The following MIGA2 variants were observed in gnomAD, a reference collection of about 807,000 sequenced individuals.
The protein encoded by MIGA2 is mitoguardin 2.
A neutral mutation model predicts 69.9 loss-of-function variants in MIGA2; 36 were observed. The observed-to-expected ratio is 0.52, with a 90% CI of 0.39 to 0.68. The LOEUF is 0.68. Among genes scored for constraint, MIGA2 ranks in the 30% least tolerant of loss-of-function variants. The probability of loss-of-function intolerance (pLI) is 0.00; values close to 1 mark genes in which losing one functional copy is unlikely to be tolerated. For synonymous variants in MIGA2, 333 were observed against 349.2 expected (o/e 0.95, Z 0.52); for missense variants, 660 against 787.7 (o/e 0.84, Z 1.94).
intron 6 of MIGA2, among the ~76,000 whole-genome samples, chr9:129,054,484 G>A (rs538946440): frequency 3.0e-4 from 46 of 152,192 alleles, no homozygotes; most frequent in African/African-American, 1.1e-3. Flanking sequence ...CAACAACAAA[G>A]AAACCCCATG....
At chr9:129,058,974 C>G (rs1845928795) in intron 6 of MIGA2, among the ~76,000 whole-genome samples, 180 bp from the exon 7 acceptor site, 1 of 152,242 alleles carries the variant, frequency 6.6e-6, no homozygotes, top group African/African-American at 2.4e-5. Context: ...GTTTCCAGTG[C>G]TCAGCTGCCA....
rs150751770 is a variant in MIGA2 at position 129,049,414 on chromosome 9, G to T, written c.454G>T (p.Ala152Ser). 5.1e-3 allele frequency: 8,262 copies of T among 1,613,294 alleles called. 26 individuals are homozygous for T. The highest frequency in any genetic ancestry group is 6.4e-3 in the Non-Finnish European group (7,599 of 1,179,642). The change falls in exon 5 of 16, where the codon GCG (alanine) becomes TCG (serine). Residue 152 changes from alanine (A) to serine (S), a missense_variant. This residue lies in a region of MIGA2 where 386 missense variants were observed against 402.0 expected (regional missense o/e 0.96). Coordinates refer to ENST00000684074, the MANE Select transcript of MIGA2 (RefSeq NM_001329990.2). ...AGTGAACTCATCCAGCCCCACAGCCGCGTGCTCGGGACTATGGGATGCCAG... is the reference window on the plus strand; with the variant it reads ...AGTGAACTCATCCAGCCCCACAGCCTCGTGCTCGGGACTATGGGATGCCAG... Reference protein sequence around the residue: ...MAVNSSSPTAACSGLWDARGM... With the variant: ...MAVNSSSPTASCSGLWDARGM...
In MIGA2 at chr9:129,061,294, G is replaced by A. The variant is rs1846056417; in HGVS notation, c.958G>A (p.Glu320Lys). 1.2e-6 allele frequency: 2 copies of A among 1,612,974 alleles called. No individual in the cohort carries two copies. The highest frequency in any genetic ancestry group is 1.7e-6 in the Non-Finnish European group (2 of 1,179,900). The change falls in exon 9 of 16, where the codon GAG becomes AAG. Residue 320 changes from glutamate to lysine, a missense_variant. Physicochemically the swap from Glu to Lys is moderately conservative, Grantham distance 56. Coordinates refer to ENST00000684074, the MANE Select transcript of MIGA2 (RefSeq NM_001329990.2). The surrounding 1 kb of genome is among the most constrained non-coding windows in gnomAD (Gnocchi z 5.0). Reference protein sequence around the residue: ...IPLSRPAAAYEEALQLVKEGR... With the variant: ...IPLSRPAAAYKEALQLVKEGR... ...ACTCTCCAGACCCGCCGCTGCCTAT[G>A]AGGAGGCCCTGCAGCTGGTGAAGGA... is the stretch of plus-strand genomic sequence containing the variant.
chr9:129,063,161 C>T, intron 9 of MIGA2, 83 bp from the exon 10 acceptor site: 1 of 1,438,956 alleles, frequency 6.9e-7, no homozygotes, highest in Non-Finnish European at 9.7e-7. Context: ...AGCCTCCCCC[C>T]TCCCCACCCA....
chr9:129,064,020 G>A (rs1846207000), intron 11 of MIGA2, among the ~76,000 whole-genome samples: 1 of 152,156 alleles, frequency 6.6e-6, no homozygotes, highest in African/African-American at 2.4e-5. Flanking sequence ...CTGCTCTCTT[G>A]TGAGGTTTTC....
intron 3 of MIGA2, among the ~76,000 whole-genome samples, chr9:129,045,164 A>AC (rs891537569): frequency 3.3e-5 from 5 of 150,894 alleles, no homozygotes; most frequent in African/African-American, 4.9e-5. Context: ...AAAAAAAAAA[A>AC]AACGAAGCAA....
chr9:129,066,959 CAAAAAAAAAAA>C (rs1215441028), intron 11 of MIGA2, among the ~76,000 whole-genome samples: 3 of 32,134 alleles, frequency 9.3e-5, no homozygotes, highest in African/African-American at 2.5e-4. Context: ...GACTCTGTCT[CAAAAAAAAAAA>C]AAAAAAAAAA....
At chr9:129,056,288 C>T (rs943599901) in intron 6 of MIGA2, among the ~76,000 whole-genome samples, 6 of 152,146 alleles carry the variant, frequency 3.9e-5, no homozygotes, top group African/African-American at 1.4e-4. Context: ...GAGCCACAGA[C>T]ACCTGTATTC....
rs146440092 is a variant in MIGA2, at chr9:129,049,099, G to A, written c.421-282G>A. Among the ~76,000 whole-genome samples the A allele has an allele frequency of 6.3e-3, 954 of 152,338 alleles. 3 individuals carry two copies. Among genetic ancestry groups the A allele is most frequent in the Non-Finnish European group, 9.7e-3 (662 of 68,036 alleles). ...AGCCCCGGCATAGGGGATGGATACA[G>A]CAGTCAGGAGCAGGGCTCAGAGGGA... On this transcript the variant is annotated intron_variant, in intron 4 of 15. Coordinates refer to ENST00000684074, the MANE Select transcript of MIGA2 (RefSeq NM_001329990.2).
chr9:129,047,462 GA>G (rs1845287559), intron 3 of MIGA2, among the ~76,000 whole-genome samples: 1 of 151,824 alleles, frequency 6.6e-6, no homozygotes, highest in South Asian at 2.1e-4. Context: ...GCCCAGGCTG[GA>G]GTGCAGTGGC....
rs1844742909 is a variant in MIGA2 at position 129,038,935 on chromosome 9, A to G, written c.-143-1517A>G. Among the ~76,000 whole-genome samples the G allele has an allele frequency of 2.6e-5, 4 of 150,992 alleles. No homozygotes were observed. The South Asian group carries it at 8.4e-4, about 32-fold the overall frequency. On this transcript the variant is annotated intron_variant, in intron 1 of 15. Coordinates refer to ENST00000684074, the MANE Select transcript of MIGA2 (RefSeq NM_001329990.2). Reference sequence around the variant, plus strand: ...CTCAGCCTCCCAAGTAGCTGGGATTACAGGCACGTGCCACCACACTGGCTA... The same window carrying G: ...CTCAGCCTCCCAAGTAGCTGGGATTGCAGGCACGTGCCACCACACTGGCTA...
In MIGA2 at chr9:129,060,614, C is replaced by T; in HGVS notation, c.858C>T (p.Ser286=). Residue 286 remains serine (S), a synonymous_variant, in exon 8 of 16, where the codon AGC becomes AGT. Coordinates refer to ENST00000684074, the MANE Select transcript of MIGA2 (RefSeq NM_001329990.2). The surrounding 1 kb of genome is among the most constrained non-coding windows in gnomAD (Gnocchi z 4.8). ...GGCTGCGGGCGGACGATGAGGACAG[C>T]CTGACTTCAGAGGATTCCTTCTTCT... ...SLRLRADDED[S]LTSEDSFFSA... The T allele has an allele frequency of 6.2e-7, 1 of 1,604,502 alleles. No individual in the cohort carries two copies. Among genetic ancestry groups the T allele is most frequent in the Non-Finnish European group, 8.5e-7 (1 of 1,175,682 alleles).
rs1845677988 is a variant in MIGA2 at position 129,053,998 on chromosome 9, G to GTGCCGCTGCAGTGAGCTATGATTT, written c.675+4039_675+4040insGCTGCAGTGAGCTATGATTTTGCC. On this transcript the variant is annotated intron_variant, in intron 6 of 15. Transcript: ENST00000684074. ...TTCAAGGCTGCAGTGAGCTATGATT[G>GTGCCGCTGCAGTGAGCTATGATTT]TGCCACTGCACTCCAGCTTGGGCAA... Among the ~76,000 whole-genome samples, 4 of 152,200 alleles carry GTGCCGCTGCAGTGAGCTATGATTT rather than the reference G, an allele frequency of 2.6e-5. No individual in the cohort carries two copies. In the South Asian group the frequency reaches 8.3e-4, roughly 32 times the overall value.
chr9:129,047,724 ATATATATATATG>A (rs989810779), intron 3 of MIGA2, among the ~76,000 whole-genome samples: 10 of 151,070 alleles, frequency 6.6e-5, no homozygotes, highest in African/African-American at 2.4e-4. Context: ...AAAAAAATTT[ATATATATATATG>A]TATATATATT....
rs1024688839 is a variant in MIGA2 at position 129,060,329 on chromosome 9, G to A, written c.794-221G>A. 1.6e-4 allele frequency among the ~76,000 whole-genome samples: 25 copies of A among 152,222 alleles called. No homozygotes were observed. Among genetic ancestry groups the A allele is most frequent in the African/African-American group, 6.0e-4 (25 of 41,464 alleles). On this transcript the variant is annotated intron_variant, in intron 7 of 15. Transcript: ENST00000684074. This position sits in a 1 kb window ranked among gnomAD's most constrained non-coding sequence, Gnocchi z 4.8. ...CTCACACCTGAGGCTGACGACCTCCGAGGATGTCGTGGGTGTTGAAGGAGG... is the reference window on the plus strand; with the variant it reads ...CTCACACCTGAGGCTGACGACCTCCAAGGATGTCGTGGGTGTTGAAGGAGG...
chr9:129,045,681 G>A (rs989893991), intron 3 of MIGA2, among the ~76,000 whole-genome samples: 13 of 151,930 alleles, frequency 8.6e-5, no homozygotes, highest in Non-Finnish European at 1.6e-4. Context: ...TGGGAGGCAG[G>A]AGGATTGTTT....
intron 9 of MIGA2, among the ~76,000 whole-genome samples, chr9:129,062,481 G>A (rs1184987050): frequency 6.8e-6 from 1 of 147,664 alleles, no homozygotes; most frequent in African/African-American, 2.5e-5. Flanking sequence ...GCAGTGAGTG[G>A]AGATCGTGCC....
At chr9:129,037,007 G>C in intron 1 of MIGA2, 1 of 1,002,760 alleles carries the variant, frequency 1.0e-6, no homozygotes, top group South Asian at 4.7e-5. Context: ...CGGCGCCAGA[G>C]GGTACCTGGG....
intron 11 of MIGA2, among the ~76,000 whole-genome samples, chr9:129,066,993 G>A (rs1366171661): frequency 1.0e-4 from 15 of 146,732 alleles, no homozygotes; most frequent in South Asian, 2.2e-4. Flanking sequence ...AAAATTAGCC[G>A]GGCGTGGTGG....
Sources: allele counts gnomAD v4.1 joint callset (sites outside exome capture counted in the v4.1 genomes callset), GRCh38; gene constraint gnomAD v4.1.1; regional missense constraint gnomAD v4.1.1; non-coding constraint Gnocchi (gnomAD v3.1); transcripts MANE v1.5; gene names NCBI Gene and HGNC (gene_info 2026-07-23, HGNC 2026-07-21).